The following SPMIP2 variants were observed in gnomAD, a reference collection of about 807,000 sequenced individuals.
SPMIP2 encodes sperm microtubule inner protein 2.
the SPMIP2 span, among the ~76,000 whole-genome samples, chr4:158,984,191 T>G: frequency 5.5e-5 from 2 of 36,246 alleles, no homozygotes; most frequent in African/African-American, 1.7e-4. Context: ...CACACAATAA[T>G]AATGGGAGAC....
At chr4:158,960,441 G>A in the SPMIP2 span, 1 of 655,574 alleles carries the variant, frequency 1.5e-6, no homozygotes, top group Non-Finnish European at 2.6e-6. Flanking sequence ...AGTCAGGTTG[G>A]GAAATGAAAT....
At chr4:158,897,457 A>G in the SPMIP2 span, among the ~76,000 whole-genome samples, 2 of 152,238 alleles carry the variant, frequency 1.3e-5, no homozygotes, top group South Asian at 2.1e-4. Context: ...GACTCCCATC[A>G]ACAGTGTAAA....
the SPMIP2 span, among the ~76,000 whole-genome samples, chr4:158,964,916 AC>A: frequency 5.9e-5 from 9 of 152,154 alleles, no homozygotes; most frequent in South Asian, 8.3e-4. Context: ...AGGAGAAACC[AC>A]CCCCACAATC....
chr4:158,958,120 C>T, the SPMIP2 span, among the ~76,000 whole-genome samples: 6 of 152,020 alleles, frequency 3.9e-5, no homozygotes, highest in Non-Finnish European at 8.8e-5. Flanking sequence ...CACCTCAGCC[C>T]CCTCAGTAGC....
chr4:159,050,567 CT>C, the SPMIP2 span, among the ~76,000 whole-genome samples: 1 of 152,172 alleles, frequency 6.6e-6, no homozygotes, highest in South Asian at 2.1e-4. Context: ...CTTTATGAGG[CT>C]GAAGCAGGAG....
At chr4:158,931,805 T>A in the SPMIP2 span, among the ~76,000 whole-genome samples, 1 of 152,030 alleles carries the variant, frequency 6.6e-6, no homozygotes, top group Non-Finnish European at 1.5e-5. Flanking sequence ...TCAAGTGATC[T>A]GCCCACCTTG....
At chr4:159,054,771 A>C in the SPMIP2 span, among the ~76,000 whole-genome samples, 5 of 152,174 alleles carry the variant, frequency 3.3e-5, no homozygotes. Context: ...CCACCAGCTC[A>C]GCTGCTCAAT....
chr4:158,903,701 A>G, the SPMIP2 span, among the ~76,000 whole-genome samples: 1 of 152,166 alleles, frequency 6.6e-6, no homozygotes, highest in Non-Finnish European at 1.5e-5. Flanking sequence ...ATTACTGGAG[A>G]AGGACTAGAA....
chr4:159,052,648 T>C, the SPMIP2 span, among the ~76,000 whole-genome samples: 1 of 151,092 alleles, frequency 6.6e-6, no homozygotes, highest in East Asian at 1.9e-4. Flanking sequence ...ATTATTATTA[T>C]TTGAGGCGGA....
At chr4:159,025,117 A>G in the SPMIP2 span, among the ~76,000 whole-genome samples, 4 of 152,204 alleles carry the variant, frequency 2.6e-5, no homozygotes, top group African/African-American at 9.6e-5. Flanking sequence ...GCTACTCAAA[A>G]TGTGGTCTGG....
the SPMIP2 span, among the ~76,000 whole-genome samples, chr4:158,966,037 A>G: frequency 6.6e-6 from 1 of 152,194 alleles, no homozygotes; most frequent in Non-Finnish European, 1.5e-5. Context: ...TTCCACAAAG[A>G]AACTTTCCTG....
At chr4:158,983,753 C>T in the SPMIP2 span, among the ~76,000 whole-genome samples, 23,846 of 24,176 alleles carry the variant, frequency 0.99, 11,774 homozygotes, top group East Asian at 1. Flanking sequence ...GCAAAATAAC[C>T]AGCTAACATC....
chr4:159,033,366 A>G, the SPMIP2 span, among the ~76,000 whole-genome samples: 1 of 152,200 alleles, frequency 6.6e-6, no homozygotes, highest in Non-Finnish European at 1.5e-5. Flanking sequence ...AACGTATGGT[A>G]CTATAATGGT....
chr4:159,011,738 G>T, the SPMIP2 span, among the ~76,000 whole-genome samples: 1 of 120,732 alleles, frequency 8.3e-6, no homozygotes, highest in African/African-American at 3.3e-5. Flanking sequence ...CGGGCAACAA[G>T]ATCGAAACTC....
At chr4:158,931,017 C>G in the SPMIP2 span, among the ~76,000 whole-genome samples, 1 of 152,152 alleles carries the variant, frequency 6.6e-6, no homozygotes, top group Non-Finnish European at 1.5e-5. Context: ...CTTCCCTTGT[C>G]TCTCTCATTT....
At chr4:159,067,661 G>A in the SPMIP2 span, among the ~76,000 whole-genome samples, 2 of 152,126 alleles carry the variant, frequency 1.3e-5, no homozygotes, top group Non-Finnish European at 2.9e-5. Context: ...TGACAAATGG[G>A]ATCTAATTAA....
At chr4:158,897,084 C>T in the SPMIP2 span, among the ~76,000 whole-genome samples, 1 of 151,872 alleles carries the variant, frequency 6.6e-6, no homozygotes, top group Non-Finnish European at 1.5e-5. Context: ...TGAGGGAGCA[C>T]ATGCGGTGTT....
chr4:159,041,426 A>C, the SPMIP2 span, among the ~76,000 whole-genome samples: 1 of 152,242 alleles, frequency 6.6e-6, no homozygotes, highest in Non-Finnish European at 1.5e-5. Context: ...CATATCTTAT[A>C]AATGCATGAG....
At chr4:158,943,573 T>C in the SPMIP2 span, among the ~76,000 whole-genome samples, 3 of 151,902 alleles carry the variant, frequency 2.0e-5, no homozygotes, top group African/African-American at 7.3e-5. Context: ...TTTACCACCA[T>C]TTTTTTTAAT....
Sources: allele counts gnomAD v4.1 joint callset (sites outside exome capture counted in the v4.1 genomes callset), GRCh38; gene constraint gnomAD v4.1.1; transcripts MANE v1.5; gene names NCBI Gene and HGNC (gene_info 2026-07-23, HGNC 2026-07-21).